Variants in EHBP1 observed in about 807,000 individuals in gnomAD.
EHBP1 encodes EH domain binding protein 1.
Under a neutral mutation model 144.0 loss-of-function variants are expected in EHBP1, and 55 were observed. The ratio of observed to expected loss-of-function variants is 0.38; its 90% CI spans 0.31 to 0.48. The LOEUF is 0.48. Among genes scored for constraint, EHBP1 ranks in the 20% least tolerant of loss-of-function variants. The probability of loss-of-function intolerance (pLI) is 0.98; values close to 1 mark genes in which losing one functional copy is unlikely to be tolerated. For synonymous variants in EHBP1, 469 were observed against 472.7 expected (o/e 0.99, Z 0.10); for missense variants, 1,200 against 1,364.2 (o/e 0.88, Z 1.90).
At chr2:62,795,788 T>C (rs2043496526) in intron 5 of EHBP1, among the ~76,000 whole-genome samples, 1 of 152,090 alleles carries the variant, frequency 6.6e-6, no homozygotes, top group South Asian at 2.1e-4. Flanking sequence ...TTGTTTTAAT[T>C]TTCCCCCTGT....
At chr2:63,002,014 AACAGTATTTCTTT>A (rs1332185108) in intron 19 of EHBP1, among the ~76,000 whole-genome samples, 3 of 152,198 alleles carry the variant, frequency 2.0e-5, no homozygotes, top group Admixed American at 2.0e-4. Context: ...TGTGCCTCTT[AACAGTATTTCTTT>A]ACCCTGGTCA....
chr2:62,833,812 T>C (rs990748284), intron 7 of EHBP1, among the ~76,000 whole-genome samples: 2 of 152,200 alleles, frequency 1.3e-5, no homozygotes, highest in Non-Finnish European at 2.9e-5. Context: ...GTGATTCCTC[T>C]GATGATCTAG....
rs959727441 is a variant in EHBP1, at chr2:62,980,480, G to A, written c.2608+1145G>A. ...CCTAAGAGGGCCAAAACAAAGGTAA[G>A]CTATTTCTAGGTCAATGATAAGTTT... On this transcript the variant is annotated intron_variant, in intron 15 of 22. Coordinates refer to ENST00000431489, the MANE Select transcript of EHBP1 (RefSeq NM_001142616.3). 4.6e-5 allele frequency among the ~76,000 whole-genome samples: 7 copies of A among 152,164 alleles called. No individual in the cohort carries two copies. In the East Asian group the frequency reaches 1.3e-3, roughly 29 times the overall value.
At chr2:62,685,806 G>T (rs1038959847) in intron 1 of EHBP1, among the ~76,000 whole-genome samples, 5 of 152,138 alleles carry the variant, frequency 3.3e-5, no homozygotes, top group South Asian at 2.1e-4. Flanking sequence ...GAGGGGGTAG[G>T]TTTCAGAATT....
At chr2:62,951,543 G>GC (rs1178488295) in intron 13 of EHBP1, among the ~76,000 whole-genome samples, 2 of 141,716 alleles carry the variant, frequency 1.4e-5, no homozygotes, top group African/African-American at 5.1e-5. Flanking sequence ...TTGGGGGGGG[G>GC]GGGTGGAGTC....
chr2:62,833,137 A>C (rs776741931), intron 7 of EHBP1, among the ~76,000 whole-genome samples: 1 of 152,246 alleles, frequency 6.6e-6, no homozygotes, highest in African/African-American at 2.4e-5. Context: ...CATTCCCTTA[A>C]GCCAAAGCCT....
At chr2:62,842,394 T>C (rs1195101393) in intron 7 of EHBP1, among the ~76,000 whole-genome samples, 1 of 152,152 alleles carries the variant, frequency 6.6e-6, no homozygotes, top group African/African-American at 2.4e-5. Context: ...CCTTAAAGCC[T>C]TTTATAAGGG....
chr2:62,966,052 A>G (rs1477601238), intron 14 of EHBP1, among the ~76,000 whole-genome samples: 2 of 152,224 alleles, frequency 1.3e-5, no homozygotes, highest in African/African-American at 2.4e-5. Context: ...CATATACCAC[A>G]ATACTAAATA....
chr2:62,748,831 G>A (rs977223971), intron 3 of EHBP1, among the ~76,000 whole-genome samples: 3 of 151,572 alleles, frequency 2.0e-5, no homozygotes, highest in Admixed American at 6.6e-5. Context: ...TTTTATTTAG[G>A]GCCTCTTTTC....
At chr2:63,009,816 C>A (rs867400670) in intron 19 of EHBP1, among the ~76,000 whole-genome samples, 176 of 151,562 alleles carry the variant, frequency 1.2e-3, no homozygotes, top group African/African-American at 4.2e-3. Flanking sequence ...TCTATACATA[C>A]AATGTATATA....
chr2:62,887,964 A>C (rs2052081437), intron 10 of EHBP1, among the ~76,000 whole-genome samples: 1 of 152,236 alleles, frequency 6.6e-6, no homozygotes, highest in Non-Finnish European at 1.5e-5. Flanking sequence ...ATTACTGGTG[A>C]GGAAGTTGAA....
chr2:62,710,264 CAAATT>C (rs2035017224), intron 2 of EHBP1, among the ~76,000 whole-genome samples: 1 of 151,896 alleles, frequency 6.6e-6, no homozygotes, highest in South Asian at 2.1e-4. Context: ...AACTATGTTG[CAAATT>C]AAATTCTGGT....
chr2:62,847,260 G>GA (rs1302362216), intron 7 of EHBP1, among the ~76,000 whole-genome samples: 1 of 152,090 alleles, frequency 6.6e-6, no homozygotes, highest in Non-Finnish European at 1.5e-5. Context: ...TGTTTGTATG[G>GA]AAAAAATGAA....
At chr2:62,989,086 G>A (rs2153221584) in intron 15 of EHBP1, among the ~76,000 whole-genome samples, 1 of 152,154 alleles carries the variant, frequency 6.6e-6, no homozygotes, top group Admixed American at 6.5e-5. Flanking sequence ...TTATAATTGT[G>A]CAAGTCCAAA....
chr2:62,945,412 T>C (rs1247567960), intron 12 of EHBP1, among the ~76,000 whole-genome samples: 6 of 152,304 alleles, frequency 3.9e-5, no homozygotes, highest in Non-Finnish European at 8.8e-5. Flanking sequence ...TTAAATTAAA[T>C]AATTAAAATT....
chr2:62,693,262 T>G (rs1178477707), intron 1 of EHBP1, among the ~76,000 whole-genome samples: 1 of 152,186 alleles, frequency 6.6e-6, no homozygotes, highest in Non-Finnish European at 1.5e-5. Flanking sequence ...CATTCATCTG[T>G]TGACGGACAC....
At chr2:62,953,697 T>G (rs1377128194) in intron 13 of EHBP1, among the ~76,000 whole-genome samples, 1 of 152,158 alleles carries the variant, frequency 6.6e-6, no homozygotes, top group Non-Finnish European at 1.5e-5. Flanking sequence ...CTACTAATGT[T>G]TATTTTTTTC....
chr2:63,029,172 C>T (rs1189478601), intron 19 of EHBP1, among the ~76,000 whole-genome samples: 1 of 151,786 alleles, frequency 6.6e-6, no homozygotes, highest in Non-Finnish European at 1.5e-5. Context: ...GGAGCACAGC[C>T]ACATTGTTAT....
intron 10 of EHBP1, among the ~76,000 whole-genome samples, chr2:62,900,837 TA>T (rs2053358627): frequency 6.6e-6 from 1 of 152,106 alleles, no homozygotes; most frequent in Non-Finnish European, 1.5e-5. Context: ...GCTGTCAACT[TA>T]AACTATGCAC....
Sources: gnomAD v4.1 joint callset for allele counts (sites outside exome capture counted in the v4.1 genomes callset) on GRCh38, gnomAD v4.1.1 for gene constraint, MANE v1.5 for transcripts, NCBI Gene and HGNC (gene_info 2026-07-23, HGNC 2026-07-21) for gene names.